The following ERBB4 variants were observed in gnomAD, a reference collection of about 807,000 sequenced individuals.
ERBB4 encodes erb-b2 receptor tyrosine kinase 4.
A neutral mutation model predicts 158.0 loss-of-function variants in ERBB4; 42 were observed. The ratio of observed to expected loss-of-function variants is 0.27; its 90% CI spans 0.21 to 0.34. The LOEUF (loss-of-function observed/expected upper bound fraction) is 0.34. Ranked by LOEUF, ERBB4 falls within the 10% of genes least tolerant of loss-of-function variation. The pLI is 1.00. For missense variants in ERBB4, 1,333 were observed against 1,624.1 expected (o/e 0.82, Z 3.08); for synonymous variants, 583 against 558.7 (o/e 1.04, Z -0.61).
chr2:211,863,740 C>T (rs1455124260), intron 3 of ERBB4, among the ~76,000 whole-genome samples: 8 of 152,078 alleles, frequency 5.3e-5, no homozygotes, highest in African/African-American at 9.7e-5. Flanking sequence ...TGTGAAGGTC[C>T]GTGGCTTCAT....
chr2:211,766,234 T>C (rs2075547416), intron 4 of ERBB4, among the ~76,000 whole-genome samples: 1 of 152,308 alleles, frequency 6.6e-6, no homozygotes, highest in African/African-American at 2.4e-5. Flanking sequence ...AAATAAAAGT[T>C]GCATACAGCT....
At chr2:211,560,963 G>A (rs188023889) in intron 20 of ERBB4, among the ~76,000 whole-genome samples, 26 of 152,080 alleles carry the variant, frequency 1.7e-4, no homozygotes, top group East Asian at 5.8e-4. Context: ...TTGTACAAAC[G>A]TATAGATAAA....
At chr2:211,935,903 T>C (rs1320729902) in intron 3 of ERBB4, among the ~76,000 whole-genome samples, 19 of 152,092 alleles carry the variant, frequency 1.2e-4, no homozygotes, top group Admixed American at 1.2e-3. Context: ...GTTGTTATTA[T>C]TGTTATTATT....
intron 1 of ERBB4, among the ~76,000 whole-genome samples, chr2:212,159,567 G>A (rs1305056111): frequency 6.6e-6 from 1 of 151,918 alleles, no homozygotes; most frequent in Non-Finnish European, 1.5e-5. Context: ...TGGACCTCAT[G>A]CTGTGGGAGT....
intron 3 of ERBB4, among the ~76,000 whole-genome samples, chr2:211,944,324 C>T (rs946666935): frequency 2.0e-5 from 3 of 149,732 alleles, no homozygotes; most frequent in East Asian, 2.0e-4. Flanking sequence ...TTTACCCTGT[C>T]GAAAGTACTT....
chr2:211,500,734 T>G (rs1354020961), intron 20 of ERBB4, among the ~76,000 whole-genome samples: 1 of 152,046 alleles, frequency 6.6e-6, no homozygotes, highest in Non-Finnish European at 1.5e-5. Context: ...GTTTTTTTTG[T>G]GGGTTAGTGC....
intron 1 of ERBB4, among the ~76,000 whole-genome samples, chr2:212,160,084 T>A (rs943616662): frequency 2.0e-5 from 3 of 152,016 alleles, no homozygotes; most frequent in Non-Finnish European, 4.4e-5. Context: ...TTAATCATCC[T>A]ATTCTCCGGC....
intron 1 of ERBB4, among the ~76,000 whole-genome samples, chr2:212,180,563 G>C (rs1256029740): frequency 6.6e-6 from 1 of 151,572 alleles, no homozygotes; most frequent in Non-Finnish European, 1.5e-5. Flanking sequence ...TTCTTATTCT[G>C]TCTGAAACTT....
At chr2:212,333,693 C>CAAAAAAAA (rs11312810) in intron 1 of ERBB4, among the ~76,000 whole-genome samples, 2 of 147,538 alleles carry the variant, frequency 1.4e-5, no homozygotes, top group Admixed American at 6.7e-5. Context: ...GATTCTGTAC[C>CAAAAAAAA]AAAAAAAAAA....
chr2:212,349,423 G>C (rs545997788), intron 1 of ERBB4, among the ~76,000 whole-genome samples: 92 of 152,088 alleles, frequency 6.0e-4, no homozygotes, highest in African/African-American at 2.2e-3. Flanking sequence ...TTGAACAACA[G>C]TTGTTCTAAA....
chr2:211,867,477 T>C (rs1346798743), intron 3 of ERBB4, among the ~76,000 whole-genome samples: 1 of 152,232 alleles, frequency 6.6e-6, no homozygotes, highest in Non-Finnish European at 1.5e-5. Flanking sequence ...ATAGTAATTT[T>C]AAAATGTAAG....
At position 211,383,484 on chromosome 2, in the gene ERBB4, A is replaced by T. The variant is rs948282194; in HGVS notation, c.*131T>A. The T allele has an allele frequency of 1.5e-5, 11 of 727,114 alleles. No individual in the cohort carries two copies. Among genetic ancestry groups the T allele is most frequent in the Non-Finnish European group, 2.4e-5 (10 of 410,892 alleles). 45.0% of individuals were successfully genotyped at this position (727,114 alleles called of 1,614,324 possible). A position where few individuals can be genotyped will look rare whatever the true frequency, so the allele number is the denominator to read the frequency against. On this transcript the variant is annotated 3_prime_UTR_variant, in exon 28 of 28. Transcript: ENST00000342788. ...TAGGTAAGCACATAACTATCATTGC[A>T]TCTCTGTATCTTCCACTGGGAAGTG...
At chr2:212,185,783 G>C (rs1158433775) in intron 1 of ERBB4, among the ~76,000 whole-genome samples, 1 of 152,040 alleles carries the variant, frequency 6.6e-6, no homozygotes, top group African/African-American at 2.4e-5. Context: ...AGGTATGGGG[G>C]ACAGGGAGGG....
At position 211,452,239 on chromosome 2, in the gene ERBB4, G is replaced by A. The variant is rs538365594; in HGVS notation, c.2488-21139C>T. ...GTTGCCCAGGCTGGAGTGCAATGGCGCGATCTCGGCTCACTGCAACCTCTG... is the reference window on the plus strand; with the variant it reads ...GTTGCCCAGGCTGGAGTGCAATGGCACGATCTCGGCTCACTGCAACCTCTG... On this transcript the variant is annotated intron_variant, in intron 20 of 27. Coordinates refer to ENST00000342788, the MANE Select transcript of ERBB4 (RefSeq NM_005235.3). Among the ~76,000 whole-genome samples, 205 of 152,122 alleles carry A rather than the reference G, an allele frequency of 1.3e-3. 1 individual carries two copies. The highest frequency in any genetic ancestry group is 2.1e-3 in the Non-Finnish European group (141 of 67,972).
chr2:212,459,165 A>G (rs1688450239), intron 1 of ERBB4, among the ~76,000 whole-genome samples: 2 of 152,304 alleles, frequency 1.3e-5, no homozygotes, highest in South Asian at 2.1e-4. Context: ...GCCTTCATAT[A>G]TGAGGACATA....
intron 19 of ERBB4, among the ~76,000 whole-genome samples, chr2:211,566,826 A>C (rs983332923): frequency 6.6e-6 from 1 of 151,912 alleles, no homozygotes; most frequent in African/African-American, 2.4e-5. Context: ...TACTTATGTT[A>C]TTTCTTTTTT....
At chr2:211,422,363 T>C (rs1443453183) in intron 23 of ERBB4, among the ~76,000 whole-genome samples, 1 of 151,636 alleles carries the variant, frequency 6.6e-6, no homozygotes, top group Non-Finnish European at 1.5e-5. Flanking sequence ...GTGACTGCAA[T>C]ATAAGTTATT....
intron 2 of ERBB4, among the ~76,000 whole-genome samples, chr2:212,017,908 T>A (rs1213456750): frequency 3.3e-5 from 5 of 152,154 alleles, no homozygotes; most frequent in Non-Finnish European, 5.9e-5. Context: ...ATTTCTAACA[T>A]AATCTGACAA....
intron 4 of ERBB4, among the ~76,000 whole-genome samples, chr2:211,763,058 T>TGC (rs2075454197): frequency 6.6e-6 from 1 of 152,028 alleles, no homozygotes. Context: ...GTGTGTGGTG[T>TGC]GTGTGTGTGT....
Sources: gnomAD v4.1 joint callset for allele counts (sites outside exome capture counted in the v4.1 genomes callset) on GRCh38, gnomAD v4.1.1 for gene constraint, MANE v1.5 for transcripts, NCBI Gene and HGNC (gene_info 2026-07-23, HGNC 2026-07-21) for gene names.